IKZF2: variants seen among roughly 807,000 people sequenced by gnomAD.
The protein encoded by IKZF2 is zinc finger protein Helios.
Under a neutral mutation model 49.2 loss-of-function variants are expected in IKZF2, and 15 were observed. The observed-to-expected ratio is 0.30, with a 90% confidence interval of 0.20 to 0.47. IKZF2 has a LOEUF of 0.47. IKZF2 is among the 20% of genes least tolerant of loss of function. The pLI, the probability that IKZF2 is intolerant of heterozygous loss-of-function variation, is 1.00. For missense variants in IKZF2, 567 were observed against 664.6 expected, an observed-to-expected ratio of 0.85 and a Z score of 1.61; for synonymous variants, 227 against 221.4, an observed-to-expected ratio of 1.03 and a Z score of -0.23.
intron 4 of IKZF2, among the ~76,000 whole-genome samples, chr2:213,100,961 A>C (rs1706590081): frequency 6.6e-6 from 1 of 152,044 alleles, no homozygotes; most frequent in African/African-American, 2.4e-5. Context: ...TGGCATAATG[A>C]AAATTAATAA....
intron 4 of IKZF2, among the ~76,000 whole-genome samples, chr2:213,078,424 CATACTT>C (rs1413643357): frequency 6.6e-6 from 1 of 152,166 alleles, no homozygotes; most frequent in Non-Finnish European, 1.5e-5. Flanking sequence ...TAATGTAACT[CATACTT>C]AAACAGTTTA....
At chr2:213,019,658 G>A (rs928454605) in intron 7 of IKZF2, among the ~76,000 whole-genome samples, 27 of 152,134 alleles carry the variant, frequency 1.8e-4, no homozygotes, top group Non-Finnish European at 3.1e-4. Context: ...TCTATAAATG[G>A]TATCAGAAGC....
chr2:213,071,514 G>A (rs748799900), intron 4 of IKZF2, among the ~76,000 whole-genome samples: 34 of 151,970 alleles, frequency 2.2e-4, no homozygotes, highest in South Asian at 6.2e-4. Context: ...CTTTTGTACC[G>A]GACACACTGC....
intron 4 of IKZF2, among the ~76,000 whole-genome samples, chr2:213,083,647 C>T (rs1704238429): frequency 6.7e-6 from 1 of 150,366 alleles, no homozygotes; most frequent in Non-Finnish European, 1.5e-5. Context: ...GGTGATCCGC[C>T]CACCTCGGCC....
intron 4 of IKZF2, among the ~76,000 whole-genome samples, chr2:213,126,853 C>T (rs1323558902): frequency 6.6e-6 from 1 of 152,168 alleles, no homozygotes; most frequent in Non-Finnish European, 1.5e-5. Flanking sequence ...AGGAACTACA[C>T]ATCAGAATGG....
At position 213,151,521 on chromosome 2, in the gene IKZF2, T is replaced by G. The variant is rs947627815; in HGVS notation, c.-228A>C. Reference sequence around the variant, plus strand: ...CTGTGCCTAACGTGTGTTTGTGCACTGCAGTTGGTGGTGGAAACTAAGGCA... The same window carrying G: ...CTGTGCCTAACGTGTGTTTGTGCACGGCAGTTGGTGGTGGAAACTAAGGCA... On this transcript the variant is annotated 5_prime_UTR_variant, in exon 1 of 9. Transcript: ENST00000434687. 3 of 152,666 alleles carry G rather than the reference T, an allele frequency of 2.0e-5. No homozygotes were observed. The highest frequency in any genetic ancestry group is 4.8e-5 in the African/African-American group (2 of 41,456). The allele number at this position is 152,666 out of a possible 1,614,324, so 9.5% of individuals were successfully genotyped here.
intron 6 of IKZF2, among the ~76,000 whole-genome samples, chr2:213,038,158 G>T (rs894976998): frequency 7.3e-5 from 11 of 151,098 alleles, no homozygotes; most frequent in African/African-American, 2.7e-4. Flanking sequence ...CCTCCCAGAT[G>T]CACGCCGTTC....
At chr2:213,058,400 A>G (rs966796767) in intron 4 of IKZF2, among the ~76,000 whole-genome samples, 5 of 152,062 alleles carry the variant, frequency 3.3e-5, no homozygotes, top group Admixed American at 3.3e-4. Context: ...GGGGATGATA[A>G]TGGTACCGAC....
intron 4 of IKZF2, among the ~76,000 whole-genome samples, chr2:213,140,603 A>AT (rs997246871): frequency 7.9e-5 from 12 of 151,946 alleles, no homozygotes; most frequent in South Asian, 4.2e-4. Flanking sequence ...TAATCTTATG[A>AT]TTTTTTTTAA....
intron 4 of IKZF2, among the ~76,000 whole-genome samples, chr2:213,069,629 T>C (rs1275858818): frequency 6.6e-6 from 1 of 152,144 alleles, no homozygotes; most frequent in Non-Finnish European, 1.5e-5. Context: ...TGCTTTAAAA[T>C]GTCAAGCTGA....
chr2:213,047,815 A>G (rs1017793247), intron 6 of IKZF2, among the ~76,000 whole-genome samples: 1 of 152,092 alleles, frequency 6.6e-6, no homozygotes, highest in Admixed American at 6.6e-5. Context: ...TTATTGAAAA[A>G]TTATAGTAAT....
chr2:213,051,143 T>C (rs953949962), intron 5 of IKZF2, among the ~76,000 whole-genome samples: 7 of 152,022 alleles, frequency 4.6e-5, no homozygotes, highest in Non-Finnish European at 7.4e-5. Context: ...TTTGACATAA[T>C]GCAAACTCAA....
At chr2:213,149,461 T>G (rs1358698482) in intron 2 of IKZF2, among the ~76,000 whole-genome samples, 1 of 152,176 alleles carries the variant, frequency 6.6e-6, no homozygotes, top group Non-Finnish European at 1.5e-5. Context: ...CTAGCTTTGA[T>G]TCACATAATG....
intron 6 of IKZF2, among the ~76,000 whole-genome samples, chr2:213,043,400 A>C (rs1281206270): frequency 6.6e-6 from 1 of 152,226 alleles, no homozygotes; most frequent in Non-Finnish European, 1.5e-5. Flanking sequence ...ATGTGGTATT[A>C]ATATCCAACA....
chr2:213,148,532 A>C (rs1421186475), intron 3 of IKZF2, 64 bp downstream of exon 3: 1 of 1,102,146 alleles, frequency 9.1e-7, no homozygotes, highest in Admixed American at 1.9e-5. Flanking sequence ...TCCAGGAATT[A>C]AAACACAGGT....
At chr2:213,127,388 A>T (rs2060302696) in intron 4 of IKZF2, among the ~76,000 whole-genome samples, 1 of 152,132 alleles carries the variant, frequency 6.6e-6, no homozygotes. Context: ...TCTCTTTCTA[A>T]ATCCTAAGGA....
chr2:213,101,684 C>T (rs1013901445), intron 4 of IKZF2, among the ~76,000 whole-genome samples: 1 of 152,108 alleles, frequency 6.6e-6, no homozygotes, highest in Non-Finnish European at 1.5e-5. Context: ...TAACAATCAG[C>T]TATCAAATGA....
chr2:213,036,942 A>C (rs1699094356), intron 6 of IKZF2, among the ~76,000 whole-genome samples: 1 of 152,036 alleles, frequency 6.6e-6, no homozygotes, highest in Non-Finnish European at 1.5e-5. Context: ...AACAAAACAC[A>C]CCACACACAC....
intron 6 of IKZF2, among the ~76,000 whole-genome samples, chr2:213,035,824 T>C (rs1043929822): frequency 6.6e-6 from 1 of 152,130 alleles, no homozygotes; most frequent in African/African-American, 2.4e-5. Context: ...AGGAGTGACA[T>C]GGTTTAAATC....
Sources: gnomAD v4.1 joint callset for allele counts (sites outside exome capture counted in the v4.1 genomes callset) on GRCh38, gnomAD v4.1.1 for gene constraint, MANE v1.5 for transcripts, NCBI Gene and HGNC (gene_info 2026-07-23, HGNC 2026-07-21) for gene names.